Variants in PDSS2 observed in about 807,000 individuals in gnomAD.
PDSS2 encodes the protein decaprenyl diphosphate synthase subunit 2, also known as all trans-polyprenyl-diphosphate synthase PDSS2.
Under a neutral mutation model 44.5 loss-of-function variants are expected in PDSS2, and 31 were observed. The observed-to-expected ratio is 0.70, with a 90% confidence interval of 0.52 to 0.94. The LOEUF is 0.94. Among genes scored for constraint, PDSS2 ranks in the 40% least tolerant of loss-of-function variants. PDSS2 has a pLI of 0.00. For missense variants in PDSS2, 452 were observed against 482.2 expected, an observed-to-expected ratio of 0.94 and a Z score of 0.59; for synonymous variants, 157 against 180.3, an observed-to-expected ratio of 0.87 and a Z score of 1.03.
intron 1 of PDSS2, among the ~76,000 whole-genome samples, chr6:107,400,667 G>T (rs1780079316): frequency 6.6e-6 from 1 of 152,166 alleles, no homozygotes; most frequent in Non-Finnish European, 1.5e-5. Flanking sequence ...AGCTCAAGCA[G>T]TCCCTTTTTC....
Position 107,212,094 on chromosome 6 carries a change from G to A in PDSS2, c.876+15C>T, listed in dbSNP as rs1773237732. The A allele has an allele frequency of 6.2e-7, 1 of 1,607,786 alleles. No homozygotes were observed. The highest frequency in any genetic ancestry group is 1.1e-5 in the South Asian group (1 of 90,948). ...TATTTAAGTACTGAAAAAAGATAAAGGGTGTGCAAAGTACCTTATGACTCA... is the reference window on the plus strand; with the variant it reads ...TATTTAAGTACTGAAAAAAGATAAAAGGTGTGCAAAGTACCTTATGACTCA... On this transcript the variant is annotated intron_variant, in intron 5 of 7. Transcript: ENST00000369037.
intron 4 of PDSS2, 130 bp downstream of exon 4, chr6:107,245,418 C>CAAAAAAAAAAAAAAAAAA (rs35614951): frequency 1.7e-5 from 2 of 115,906 alleles, no homozygotes; most frequent in Non-Finnish European, 3.1e-5. Flanking sequence ...AAACACTAAT[C>CAAAAAAAAAAAAAAAAAA]AAAAAAAAAA....
chr6:107,393,093 A>T (rs1316375692), intron 1 of PDSS2, among the ~76,000 whole-genome samples: 2 of 152,038 alleles, frequency 1.3e-5, no homozygotes, highest in African/African-American at 4.8e-5. Flanking sequence ...CATTAGGTTT[A>T]ATTTGCTCTT....
At chr6:107,159,580 C>T (rs1771048921) in intron 7 of PDSS2, among the ~76,000 whole-genome samples, 1 of 151,810 alleles carries the variant, frequency 6.6e-6, no homozygotes, top group African/African-American at 2.4e-5. Flanking sequence ...CCATGCCCGG[C>T]TAATTTTTTG....
At chr6:107,261,219 C>T (rs1017328869) in intron 3 of PDSS2, among the ~76,000 whole-genome samples, 1 of 152,196 alleles carries the variant, frequency 6.6e-6, no homozygotes, top group Non-Finnish European at 1.5e-5. Flanking sequence ...CTCTTTCTGT[C>T]CCTTCCCAAA....
intron 1 of PDSS2, among the ~76,000 whole-genome samples, chr6:107,362,628 CAG>C (rs1210782850): frequency 1.3e-5 from 2 of 152,110 alleles, no homozygotes; most frequent in African/African-American, 4.8e-5. Context: ...CAGTATTCAA[CAG>C]AAAGTTAGGA....
intron 1 of PDSS2, among the ~76,000 whole-genome samples, chr6:107,351,933 T>C (rs1163620048): frequency 6.6e-6 from 1 of 152,202 alleles, no homozygotes; most frequent in Non-Finnish European, 1.5e-5. Context: ...ATTCTCATAT[T>C]TTTGTGAAAT....
chr6:107,175,618 T>A (rs567376277), intron 7 of PDSS2, among the ~76,000 whole-genome samples: 1 of 152,308 alleles, frequency 6.6e-6, no homozygotes, highest in South Asian at 2.1e-4. Flanking sequence ...TTTATAGAGA[T>A]TGCAGAAAAT....
At chr6:107,243,724 G>T (rs1170718629) in intron 4 of PDSS2, among the ~76,000 whole-genome samples, 1 of 152,184 alleles carries the variant, frequency 6.6e-6, no homozygotes, top group African/African-American at 2.4e-5. Flanking sequence ...GTGCTGGGTA[G>T]AGAAAGGCAG....
intron 2 of PDSS2, among the ~76,000 whole-genome samples, chr6:107,308,796 C>T (rs1299492581): frequency 6.6e-6 from 1 of 152,250 alleles, no homozygotes; most frequent in Non-Finnish European, 1.5e-5. Flanking sequence ...GCTGCTGCTG[C>T]TGCTGATCCC....
chr6:107,223,791 C>T (rs962117271), intron 4 of PDSS2, among the ~76,000 whole-genome samples: 1 of 147,500 alleles, frequency 6.8e-6, no homozygotes, highest in African/African-American at 2.5e-5. Context: ...AGCATTTAAA[C>T]TTGTAAATCA....
intron 4 of PDSS2, among the ~76,000 whole-genome samples, chr6:107,239,657 T>C (rs1774350917): frequency 1.4e-5 from 2 of 146,688 alleles, no homozygotes; most frequent in Admixed American, 6.8e-5. Context: ...TTTTTTTTTT[T>C]TTGAGACAGA....
chr6:107,318,288 T>C (rs1022177225), intron 2 of PDSS2, among the ~76,000 whole-genome samples: 2 of 152,072 alleles, frequency 1.3e-5, no homozygotes, highest in Admixed American at 6.6e-5. Flanking sequence ...GAAGTAGCTA[T>C]CTACTTCAAC....
intron 1 of PDSS2, among the ~76,000 whole-genome samples, chr6:107,364,518 GGGCT>G (rs1226970205): frequency 6.6e-6 from 1 of 152,258 alleles, no homozygotes; most frequent in Non-Finnish European, 1.5e-5. Flanking sequence ...GGGGCCAGCA[GGGCT>G]GGCTGGCTGC....
chr6:107,346,676 A>G (rs1778257752), intron 1 of PDSS2, among the ~76,000 whole-genome samples: 1 of 152,202 alleles, frequency 6.6e-6, no homozygotes, highest in South Asian at 2.1e-4. Flanking sequence ...GGTCCAATTC[A>G]GGTGTCTATC....
intron 3 of PDSS2, among the ~76,000 whole-genome samples, chr6:107,273,263 A>G (rs1466310231): frequency 6.6e-6 from 1 of 151,930 alleles, no homozygotes; most frequent in South Asian, 2.1e-4. Context: ...GGATTACAGG[A>G]GTGAGCCACC....
chr6:107,239,503 T>C (rs1774342194), intron 4 of PDSS2, among the ~76,000 whole-genome samples: 1 of 152,064 alleles, frequency 6.6e-6, no homozygotes. Flanking sequence ...AAATACAGAA[T>C]AAAATCTAGA....
At chr6:107,263,677 C>G (rs1775321574) in intron 3 of PDSS2, among the ~76,000 whole-genome samples, 1 of 152,112 alleles carries the variant, frequency 6.6e-6, no homozygotes, top group South Asian at 2.1e-4. Flanking sequence ...CGTCTTATTT[C>G]TAGTATAATT....
intron 3 of PDSS2, among the ~76,000 whole-genome samples, chr6:107,267,823 G>A (rs530481195): frequency 6.6e-6 from 1 of 151,696 alleles, no homozygotes; most frequent in Non-Finnish European, 1.5e-5. Context: ...CAACTCCTGG[G>A]CTCAAGCTAT....
Sources: gnomAD v4.1 joint callset for allele counts (sites outside exome capture counted in the v4.1 genomes callset) on GRCh38, gnomAD v4.1.1 for gene constraint, MANE v1.5 for transcripts, NCBI Gene and HGNC (gene_info 2026-07-23, HGNC 2026-07-21) for gene names.